GULP1: variants seen among roughly 807,000 people sequenced by gnomAD.
GULP1 encodes GULP PTB domain containing engulfment adaptor 1, also known as PTB domain-containing engulfment adapter protein 1.
Under a neutral mutation model 40.9 loss-of-function variants are expected in GULP1, and 19 were observed. That is an observed-to-expected ratio of 0.46 (90% confidence interval 0.32 to 0.68). The LOEUF (loss-of-function observed/expected upper bound fraction) is 0.68, where lower values mean the gene tolerates loss of function less well. GULP1 is among the 30% of genes least tolerant of loss of function. The probability of loss-of-function intolerance (pLI) is 0.03; values close to 1 mark genes in which losing one functional copy is unlikely to be tolerated. For synonymous variants in GULP1, 119 were observed against 117.6 expected, an observed-to-expected ratio of 1.01 and a Z score of -0.08; for missense variants, 312 against 362.2, an observed-to-expected ratio of 0.86 and a Z score of 1.12.
intron 7 of GULP1, among the ~76,000 whole-genome samples, chr2:188,554,484 C>A (rs1289642212): frequency 6.6e-6 from 1 of 150,462 alleles, no homozygotes. Context: ...TATTTTTATT[C>A]CATTGTGGTC....
At chr2:188,479,379 A>G (rs370959242) in intron 3 of GULP1, among the ~76,000 whole-genome samples, 6 of 152,130 alleles carry the variant, frequency 3.9e-5, no homozygotes, top group East Asian at 3.9e-4. Flanking sequence ...CCAAAAGTAA[A>G]ATAGTGTTTC....
At chr2:188,448,934 C>T (rs1421608434) in intron 2 of GULP1, among the ~76,000 whole-genome samples, 2 of 152,162 alleles carry the variant, frequency 1.3e-5, no homozygotes, top group Non-Finnish European at 2.9e-5. Flanking sequence ...AATAAAAGCT[C>T]CCTGAGGTCT....
intron 2 of GULP1, among the ~76,000 whole-genome samples, chr2:188,450,301 AT>A (rs1333699408): frequency 1.3e-5 from 2 of 152,158 alleles, no homozygotes; most frequent in Non-Finnish European, 2.9e-5. Context: ...TTATCATAAT[AT>A]TTATGTATGT....
intron 9 of GULP1, among the ~76,000 whole-genome samples, chr2:188,580,550 C>A: frequency 2.7e-5 from 1 of 36,726 alleles, no homozygotes. Context: ...GAGACTCCGT[C>A]TCAAAAAAAA....
chr2:188,297,224 T>A (rs1302648507), intron 1 of GULP1, among the ~76,000 whole-genome samples: 1 of 151,484 alleles, frequency 6.6e-6, no homozygotes, highest in East Asian at 1.9e-4. Context: ...AAGAGAAAAA[T>A]AGTTGGCAAG....
At chr2:188,454,998 G>T (rs188462630) in intron 2 of GULP1, among the ~76,000 whole-genome samples, 1 of 151,956 alleles carries the variant, frequency 6.6e-6, no homozygotes, top group Non-Finnish European at 1.5e-5. Context: ...CAGGTATGAG[G>T]GTATGCTCCT....
chr2:188,379,248 T>C (rs1163882692), intron 1 of GULP1, among the ~76,000 whole-genome samples: 5 of 152,214 alleles, frequency 3.3e-5, no homozygotes, highest in African/African-American at 1.2e-4. Context: ...TTATGTGTTC[T>C]GAAGAGTTTG....
chr2:188,474,036 A>T (rs956727686), intron 2 of GULP1, among the ~76,000 whole-genome samples: 2 of 152,124 alleles, frequency 1.3e-5, no homozygotes, highest in African/African-American at 4.8e-5. Flanking sequence ...AGGCAAAGAG[A>T]AAGGATTATC....
chr2:188,341,738 C>A (rs1220681790), intron 1 of GULP1, among the ~76,000 whole-genome samples: 1 of 152,134 alleles, frequency 6.6e-6, no homozygotes, highest in African/African-American at 2.4e-5. Flanking sequence ...TATCACATTT[C>A]TTTCTCAAAA....
rs1007371930 is a variant in GULP1 at position 188,475,404 on chromosome 2, TTG to T, written c.-44-2253_-44-2252del. 3.5e-4 allele frequency among the ~76,000 whole-genome samples: 53 copies of T among 152,200 alleles called. 1 individual carries two copies. The highest frequency in any genetic ancestry group is 3.1e-3 in the Admixed American group (47 of 15,270). On this transcript the variant is annotated intron_variant, in intron 2 of 11. Transcript: ENST00000409830. Reference sequence around the variant, plus strand: ...TAATTATGTGAAGAGTTTTTTTTTGTTGTTATTCTTGTTCCATTTATATGCCC... The same window carrying T: ...TAATTATGTGAAGAGTTTTTTTTTGTTTATTCTTGTTCCATTTATATGCCC...
intron 9 of GULP1, 134 bp from the exon 10 acceptor site, chr2:188,584,131 T>G: frequency 1.8e-6 from 1 of 558,660 alleles, no homozygotes; most frequent in South Asian, 3.6e-5. Flanking sequence ...TAACTATTTT[T>G]GGTCTACAAA....
chr2:188,560,923 A>G (rs770020149), intron 7 of GULP1, among the ~76,000 whole-genome samples: 1 of 152,242 alleles, frequency 6.6e-6, no homozygotes, highest in Non-Finnish European at 1.5e-5. Flanking sequence ...TAAACCATTT[A>G]TGAGAAATTC....
intron 2 of GULP1, among the ~76,000 whole-genome samples, chr2:188,476,528 A>G (rs747405657): frequency 6.6e-6 from 1 of 152,166 alleles, no homozygotes; most frequent in Non-Finnish European, 1.5e-5. Context: ...TCAAGGAAGA[A>G]CATTATTAAA....
At chr2:188,378,619 G>A (rs1334102434) in intron 1 of GULP1, among the ~76,000 whole-genome samples, 6 of 152,168 alleles carry the variant, frequency 3.9e-5, no homozygotes, top group African/African-American at 1.2e-4. Flanking sequence ...GCCTGCATGA[G>A]CAGAGATGGT....
intron 7 of GULP1, among the ~76,000 whole-genome samples, chr2:188,551,089 G>T (rs2153373644): frequency 6.6e-6 from 1 of 151,666 alleles, no homozygotes; most frequent in Non-Finnish European, 1.5e-5. Flanking sequence ...TTTTGTATGT[G>T]ATTTTTTAAG....
intron 5 of GULP1, 73 bp downstream of exon 5, chr2:188,522,900 A>C: frequency 1.1e-6 from 1 of 915,192 alleles, no homozygotes; most frequent in Non-Finnish European, 1.8e-6. Flanking sequence ...ATGGAGATCA[A>C]AGCATGAACA....
At chr2:188,457,053 T>C (rs994132871) in intron 2 of GULP1, among the ~76,000 whole-genome samples, 1 of 152,170 alleles carries the variant, frequency 6.6e-6, no homozygotes, top group African/African-American at 2.4e-5. Flanking sequence ...ACCCAATACC[T>C]GTACCTTCAT....
intron 2 of GULP1, among the ~76,000 whole-genome samples, chr2:188,462,326 T>A (rs2059774589): frequency 6.6e-6 from 1 of 152,206 alleles, no homozygotes; most frequent in Non-Finnish European, 1.5e-5. Flanking sequence ...GTTTTAAAAC[T>A]TGTTTTGTGA....
intron 1 of GULP1, among the ~76,000 whole-genome samples, chr2:188,302,405 A>T (rs1424490762): frequency 6.6e-6 from 1 of 152,204 alleles, no homozygotes; most frequent in Non-Finnish European, 1.5e-5. Context: ...GCTGTGTGGT[A>T]TCTTTAGTGT....
Sources: gnomAD v4.1 joint callset for allele counts (sites outside exome capture counted in the v4.1 genomes callset) on GRCh38, gnomAD v4.1.1 for gene constraint, MANE v1.5 for transcripts, NCBI Gene and HGNC (gene_info 2026-07-23, HGNC 2026-07-21) for gene names.